The following TRPM3 variants were observed in gnomAD, a reference collection of about 807,000 sequenced individuals.
TRPM3 encodes the protein transient receptor potential cation channel subfamily M member 3.
In TRPM3, 77 loss-of-function variants were observed where a neutral mutation model predicts 181.2. That is an observed-to-expected ratio of 0.42 (90% confidence interval 0.35 to 0.51). The LOEUF (loss-of-function observed/expected upper bound fraction) is 0.51. Among genes scored for constraint, TRPM3 ranks in the 20% least tolerant of loss-of-function variants. TRPM3 has a pLI of 0.01. For missense variants in TRPM3, 1,759 were observed against 2,196.7 expected, an observed-to-expected ratio of 0.80 and a Z score of 3.98; for synonymous variants, 745 against 796.4, an observed-to-expected ratio of 0.94 and a Z score of 1.09.
chr9:70,947,891 T>A (rs368881495), intron 1 of TRPM3, among the ~76,000 whole-genome samples: 1 of 152,286 alleles, frequency 6.6e-6, no homozygotes, highest in South Asian at 2.1e-4. Context: ...ATTCCTAGGT[T>A]TCTTGCACTT....
At chr9:71,152,918 A>C (rs1466750761) in intron 1 of TRPM3, among the ~76,000 whole-genome samples, 1 of 152,212 alleles carries the variant, frequency 6.6e-6, no homozygotes, top group African/African-American at 2.4e-5. Context: ...TACCCTGCTG[A>C]AAGTCTAGTA....
At chr9:70,856,639 A>G (rs925999496) in intron 3 of TRPM3, among the ~76,000 whole-genome samples, 8 of 152,098 alleles carry the variant, frequency 5.3e-5, no homozygotes, top group African/African-American at 1.7e-4. Flanking sequence ...TCACACCCAC[A>G]ACGCCCAGAG....
intron 3 of TRPM3, among the ~76,000 whole-genome samples, chr9:70,852,142 A>C (rs2095253781): frequency 6.7e-6 from 1 of 150,122 alleles, no homozygotes; most frequent in African/African-American, 2.4e-5. Context: ...AAAAAAAAAA[A>C]AAAAAAAAAA....
At chr9:71,222,813 G>C (rs2131856685) in intron 1 of TRPM3, among the ~76,000 whole-genome samples, 1 of 152,254 alleles carries the variant, frequency 6.6e-6, no homozygotes, top group Admixed American at 6.5e-5. Context: ...CCAACACCAG[G>C]CAGGACTCAG....
At chr9:71,425,549 C>T (rs1171275935) in intron 1 of TRPM3, among the ~76,000 whole-genome samples, 1 of 152,146 alleles carries the variant, frequency 6.6e-6, no homozygotes, top group African/African-American at 2.4e-5. Context: ...CAGTCCATTT[C>T]TTCCCATCTC....
chr9:71,134,000 TGTGTGTGTGTGTGTGCGCGTGCGC>T (rs1249443523), intron 1 of TRPM3, among the ~76,000 whole-genome samples: 47 of 106,294 alleles, frequency 4.4e-4, no homozygotes, highest in African/African-American at 1.3e-3. Context: ...TGTGTGTGTG[TGTGTGTGTGTGTGTGCGCGTGCGC>T]GCGCGCGCGT....
At chr9:71,338,473 G>A (rs1436530734) in intron 1 of TRPM3, among the ~76,000 whole-genome samples, 4 of 152,046 alleles carry the variant, frequency 2.6e-5, no homozygotes, top group Non-Finnish European at 4.4e-5. Flanking sequence ...AAACAGACCC[G>A]GTTCCAAGGC....
intron 1 of TRPM3, among the ~76,000 whole-genome samples, chr9:71,258,038 T>C (rs890697767): frequency 1.3e-5 from 2 of 152,182 alleles, no homozygotes; most frequent in East Asian, 1.9e-4. Flanking sequence ...GTTTCCACCA[T>C]CTAAAAAGTA....
At chr9:70,642,541 C>T (rs2058218175) in intron 9 of TRPM3, among the ~76,000 whole-genome samples, 1 of 152,198 alleles carries the variant, frequency 6.6e-6, no homozygotes, top group Non-Finnish European at 1.5e-5. Flanking sequence ...ACCTGGGGAG[C>T]TTCGCTCAGG....
At chr9:70,698,092 C>A (rs1481829326) in intron 8 of TRPM3, among the ~76,000 whole-genome samples, 1 of 151,734 alleles carries the variant, frequency 6.6e-6, no homozygotes, top group East Asian at 1.9e-4. Flanking sequence ...CTTGTAGTCC[C>A]AGCTACTCAG....
chr9:71,102,415 C>T (rs1003304805), intron 1 of TRPM3, among the ~76,000 whole-genome samples: 1 of 152,272 alleles, frequency 6.6e-6, no homozygotes, highest in Non-Finnish European at 1.5e-5. Flanking sequence ...TGTAAAAGTT[C>T]GAACTACTGA....
rs2041351169 is a variant in TRPM3, at chr9:70,534,606, C to G, written c.*1347G>C. 6.6e-6 allele frequency: 1 copy of G among 152,006 alleles called. No individual in the cohort carries two copies. Among genetic ancestry groups the G allele is most frequent in the South Asian group, 2.1e-4 (1 of 4,810 alleles). 9.4% of individuals were successfully genotyped at this position (152,006 alleles called of 1,614,324 possible). On this transcript the variant is annotated 3_prime_UTR_variant, in exon 26 of 26. Transcript: ENST00000677713. The stretch of plus-strand genomic sequence containing the variant: ...TGCTTTCTATTTTGGTCTACTGTAT[C>G]TTTTTTTATAGCTCTGTCTATAAGA...
intron 1 of TRPM3, among the ~76,000 whole-genome samples, chr9:71,307,256 AT>A (rs2087436030): frequency 6.6e-6 from 1 of 151,490 alleles, no homozygotes; most frequent in Admixed American, 6.6e-5. Context: ...TTGTATTTTT[AT>A]TTCCTTTTTC....
intron 1 of TRPM3, among the ~76,000 whole-genome samples, chr9:70,890,286 G>A (rs991725266): frequency 2.0e-5 from 3 of 151,788 alleles, no homozygotes; most frequent in Non-Finnish European, 4.4e-5. Context: ...GGAAGCAAAC[G>A]TGAGGCTATC....
chr9:70,690,763 C>A (rs912246670), intron 8 of TRPM3, among the ~76,000 whole-genome samples: 3 of 152,084 alleles, frequency 2.0e-5, no homozygotes, highest in African/African-American at 7.2e-5. Context: ...GATAGGGATC[C>A]AAACAGGATT....
At chr9:71,442,266 GCTGT>G (rs1300060477) in intron 1 of TRPM3, among the ~76,000 whole-genome samples, 3 of 152,222 alleles carry the variant, frequency 2.0e-5, no homozygotes, top group Non-Finnish European at 4.4e-5. Flanking sequence ...AAGCAAGAGT[GCTGT>G]CTAAGGTTGA....
chr9:70,987,255 T>C (rs560212119), intron 1 of TRPM3, among the ~76,000 whole-genome samples: 44 of 152,224 alleles, frequency 2.9e-4, no homozygotes, highest in African/African-American at 9.9e-4. Context: ...AAATACAGAA[T>C]GGCTCAAAAC....
chr9:71,126,677 C>G (rs1371833194), intron 1 of TRPM3, among the ~76,000 whole-genome samples: 1 of 152,174 alleles, frequency 6.6e-6, no homozygotes, highest in Non-Finnish European at 1.5e-5. Context: ...ACATGACTCA[C>G]TTTGTTAAGT....
intron 19 of TRPM3, among the ~76,000 whole-genome samples, chr9:70,605,463 G>A (rs968258531): frequency 3.3e-5 from 5 of 150,540 alleles, no homozygotes; most frequent in African/African-American, 9.9e-5. Flanking sequence ...CCACCCCCAG[G>A]GGCCTATCAT....
Sources: gnomAD v4.1 joint callset for allele counts (sites outside exome capture counted in the v4.1 genomes callset) on GRCh38, gnomAD v4.1.1 for gene constraint, MANE v1.5 for transcripts, NCBI Gene and HGNC (gene_info 2026-07-23, HGNC 2026-07-21) for gene names.